STAU1: variants seen among roughly 807,000 people sequenced by gnomAD.
STAU1 encodes the protein staufen double-stranded RNA binding protein 1.
Under a neutral mutation model 62.9 loss-of-function variants are expected in STAU1, and 13 were observed. The observed-to-expected ratio is 0.21, with a 90% confidence interval of 0.13 to 0.33. STAU1 has a LOEUF of 0.33. Among genes scored for constraint, STAU1 ranks in the 10% least tolerant of loss-of-function variants. The pLI, the probability that STAU1 is intolerant of heterozygous loss-of-function variation, is 1.00. For missense variants in STAU1, 571 were observed against 712.1 expected, an observed-to-expected ratio of 0.80 and a Z score of 2.25; for synonymous variants, 269 against 265.1, an observed-to-expected ratio of 1.01 and a Z score of -0.14.
rs2092870146 is a variant in STAU1 at position 49,135,829 on chromosome 20, T to C, written c.609+4A>G. Reference sequence around the variant, plus strand: ...ACAAAGTCCTACATGTAAAATTAGCTTACCTCGAAATTCACAGGCAAGTTC... The same window carrying C: ...ACAAAGTCCTACATGTAAAATTAGCCTACCTCGAAATTCACAGGCAAGTTC... On this transcript the variant is annotated splice_donor_region_variant and intron_variant, in intron 6 of 13. Transcript: ENST00000371856. The C allele has an allele frequency of 6.2e-7, 1 of 1,610,926 alleles. No homozygotes were observed. The highest frequency in any genetic ancestry group is 1.1e-5 in the South Asian group (1 of 90,588).
At chr20:49,197,556 A>C in the STAU1 span, among the ~76,000 whole-genome samples, 4 of 151,724 alleles carry the variant, frequency 2.6e-5, no homozygotes, top group Non-Finnish European at 5.9e-5. Flanking sequence ...ATGTGCCACC[A>C]GGCCCAGCTA....
At chr20:49,125,801 T>C (rs759646353) in intron 6 of STAU1, among the ~76,000 whole-genome samples, 4 of 151,764 alleles carry the variant, frequency 2.6e-5, no homozygotes, top group Admixed American at 2.0e-4. Context: ...TGAGCTGAGA[T>C]TGCGCCACTC....
Position 49,117,112 on chromosome 20 carries a change from A to G in STAU1, c.1632+14T>C. On this transcript the variant is annotated intron_variant, in intron 12 of 13. Coordinates refer to ENST00000371856, the MANE Select transcript of STAU1 (RefSeq NM_017453.4). This position sits in a 1 kb window ranked among gnomAD's most constrained non-coding sequence, Gnocchi z 4.6. ...CACACAACACCCCAATCCCTCACCC[A>G]AGGTGTGACGTACCATATCATGGCA... 1.9e-6 allele frequency: 3 copies of G among 1,613,846 alleles called. No individual in the cohort carries two copies. Among genetic ancestry groups the G allele is most frequent in the Non-Finnish European group, 2.5e-6 (3 of 1,179,844 alleles).
chr20:49,206,414 GT>G, the STAU1 span, among the ~76,000 whole-genome samples: 1,058 of 76,678 alleles, frequency 0.014, 3 homozygotes, highest in South Asian at 0.049. Context: ...CTTCCTTCTG[GT>G]TTTTTTTTTT....
the STAU1 span, among the ~76,000 whole-genome samples, chr20:49,212,670 C>T: frequency 7.8e-6 from 1 of 127,920 alleles, no homozygotes; most frequent in Non-Finnish European, 1.6e-5. Flanking sequence ...AGTGCAATGG[C>T]GTCATCTCAG....
intron 8 of STAU1, among the ~76,000 whole-genome samples, chr20:49,120,685 C>T (rs772921116): frequency 3.9e-5 from 6 of 152,158 alleles, no homozygotes; most frequent in Non-Finnish European, 8.8e-5. Context: ...GTAACTAGCA[C>T]AAAAAACTGA....
intron 4 of STAU1, among the ~76,000 whole-genome samples, chr20:49,153,107 G>C (rs376921169): frequency 6.6e-6 from 1 of 151,634 alleles, no homozygotes; most frequent in Non-Finnish European, 1.5e-5. Flanking sequence ...AAAATTAGCC[G>C]GGTGTGGTGG....
upstream of STAU1, among the ~76,000 whole-genome samples, chr20:49,190,331 T>C (rs2093829669): frequency 6.6e-6 from 1 of 152,152 alleles, no homozygotes; most frequent in South Asian, 2.1e-4. Context: ...GTCACCTAAC[T>C]AGAGTGCAGT....
rs1172743721 is a variant in STAU1 at position 49,114,166 on chromosome 20, G to A, written c.*712C>T. On this transcript the variant is annotated 3_prime_UTR_variant, in exon 14 of 14. Transcript: ENST00000371856. ...CATACACATGGATATGATCTTTGTC[G>A]GTTAGATTATTGATAAAGTCAGTCT... The A allele has an allele frequency of 6.6e-6, 1 of 152,446 alleles. No homozygotes were observed. The highest frequency in any genetic ancestry group is 1.5e-5 in the Non-Finnish European group (1 of 68,046). The allele number at this position is 152,446 out of a possible 1,614,324, so 9.4% of individuals were successfully genotyped here. A position where few individuals can be genotyped will look rare whatever the true frequency, so the allele number is the denominator to read the frequency against.
chr20:49,132,416 G>GT (rs1462955634), intron 6 of STAU1, among the ~76,000 whole-genome samples: 1 of 152,142 alleles, frequency 6.6e-6, no homozygotes, highest in African/African-American at 2.4e-5. Flanking sequence ...CCCGATGACC[G>GT]TATCCATCAG....
At chr20:49,196,785 A>T in the STAU1 span, among the ~76,000 whole-genome samples, 5 of 3,690 alleles carry the variant, frequency 1.4e-3, no homozygotes, top group Non-Finnish European at 0.014. Flanking sequence ...GGAAAAAAAG[A>T]AAAAAAAAAA....
At chr20:49,196,296 C>T in the STAU1 span, among the ~76,000 whole-genome samples, 125 of 151,166 alleles carry the variant, frequency 8.3e-4, no homozygotes, top group Non-Finnish European at 1.7e-3. Flanking sequence ...ATTAGCCGGG[C>T]AAGGTGGCGG....
At chr20:49,150,994 G>A (rs1029972572) in intron 5 of STAU1, among the ~76,000 whole-genome samples, 2 of 151,992 alleles carry the variant, frequency 1.3e-5, no homozygotes, top group African/African-American at 4.8e-5. Flanking sequence ...CAGATCCTCC[G>A]GCCCCGTGCA....
intron 6 of STAU1, among the ~76,000 whole-genome samples, chr20:49,130,122 A>G (rs2092720067): frequency 6.6e-6 from 1 of 152,210 alleles, no homozygotes; most frequent in South Asian, 2.1e-4. Flanking sequence ...CACACTATGT[A>G]ACACTCTTGG....
chr20:49,114,891 C>T lies in STAU1; in HGVS notation c.1721G>A (p.Cys574Tyr), dbSNP rs764508872. The T allele has an allele frequency of 1.9e-6, 3 of 1,613,418 alleles. No homozygotes were observed. The highest frequency in any genetic ancestry group is 1.1e-5 in the South Asian group (1 of 90,976). The stretch of plus-strand genomic sequence containing the variant: ...GCCAGAAAAGGTTCAGCACCTCCCA[C>T]ACCTTTAAGGAAGAAAAATGAAAAT... Reference protein sequence around the residue: ...PRTGNGPMSVCGRC With the variant: ...PRTGNGPMSVYGRC Residue 574 changes from cysteine (C) to tyrosine (Y), a missense_variant and splice_region_variant, in exon 14 of 14, where the codon TGT becomes TAT. Transcript: ENST00000371856.
chr20:49,147,344 G>A (rs898127936), intron 5 of STAU1, among the ~76,000 whole-genome samples: 5 of 152,294 alleles, frequency 3.3e-5, no homozygotes, highest in Middle Eastern at 3.4e-3. Context: ...GGCATGGAGG[G>A]CCCAGACTAT....
intron 1 of STAU1, among the ~76,000 whole-genome samples, chr20:49,175,784 C>A (rs1269789570): frequency 6.9e-6 from 1 of 145,518 alleles, no homozygotes; most frequent in African/African-American, 2.5e-5. Context: ...CCACCACACC[C>A]AACCTCATAA....
In STAU1 at chr20:49,114,613, GGC is replaced by G; in HGVS notation, c.*263_*264del. The stretch of plus-strand genomic sequence containing the variant: ...GTGTCCCGGGAGAACCAGCTGGCTG[GGC>G]AGCCCTTCTTCCCCACAGGCAGCTG... On this transcript the variant is annotated 3_prime_UTR_variant, in exon 14 of 14. Coordinates refer to ENST00000371856, the MANE Select transcript of STAU1 (RefSeq NM_017453.4). 2.2e-6 allele frequency: 1 copy of G among 462,984 alleles called. No homozygotes were observed. Among genetic ancestry groups the G allele is most frequent in the Non-Finnish European group, 3.9e-6 (1 of 256,596 alleles). 28.7% of individuals were successfully genotyped at this position (462,984 alleles called of 1,614,324 possible). A position where few individuals can be genotyped will look rare whatever the true frequency, so the allele number is the denominator to read the frequency against.
intron 5 of STAU1, among the ~76,000 whole-genome samples, chr20:49,145,572 A>T (rs895960549): frequency 2.3e-4 from 35 of 151,896 alleles, no homozygotes; most frequent in African/African-American, 7.2e-4. Flanking sequence ...CTCTACTAAA[A>T]ATACAAAATT....
Sources: allele counts gnomAD v4.1 joint callset (sites outside exome capture counted in the v4.1 genomes callset), GRCh38; gene constraint gnomAD v4.1.1; non-coding constraint Gnocchi (gnomAD v3.1); transcripts MANE v1.5; gene names NCBI Gene and HGNC (gene_info 2026-07-23, HGNC 2026-07-21).